WFDC8: variants seen among roughly 807,000 people sequenced by gnomAD.
WFDC8 encodes the protein WAP four-disulfide core domain protein 8.
WFDC8 carries 24 observed loss-of-function variants against 27.0 expected under a neutral mutation model. The observed-to-expected ratio is 0.89, with a 90% confidence interval of 0.64 to 1.25. WFDC8 has a LOEUF of 1.25. WFDC8 is among the 50% of genes most tolerant of loss of function. WFDC8 has a pLI of 0.00. For missense variants in WFDC8, 287 were observed against 295.9 expected, an observed-to-expected ratio of 0.97 and a Z score of 0.22; for synonymous variants, 106 against 99.7, an observed-to-expected ratio of 1.06 and a Z score of -0.38.
Position 45,554,141 on chromosome 20 carries a change from G to A in WFDC8, c.446-865C>T, listed in dbSNP as rs568707306. ...CCTGAGTAGCTGGGACCATAGGCAC[G>A]TGACACCATGCCTGTTTTTTTTGTT... On this transcript the variant is annotated intron_variant, in intron 4 of 5. Coordinates refer to ENST00000289953, the MANE Select transcript of WFDC8 (RefSeq NM_130896.3). Among the ~76,000 whole-genome samples the A allele has an allele frequency of 4.1e-5, 6 of 146,686 alleles. No homozygotes were observed. The South Asian group carries it at 6.6e-4, about 16-fold the overall frequency.
chr20:45,567,124 G>A (rs1980706954), intron 1 of WFDC8, among the ~76,000 whole-genome samples: 1 of 151,782 alleles, frequency 6.6e-6, no homozygotes, highest in Admixed American at 6.6e-5. Flanking sequence ...GGATATGGAG[G>A]GCCAACTGTA....
chr20:45,558,748 G>A, intron 3 of WFDC8, 104 bp downstream of exon 3: 1 of 1,431,528 alleles, frequency 7.0e-7, no homozygotes, highest in Non-Finnish European at 9.5e-7. Flanking sequence ...AATGAGAAGA[G>A]CACAGGCCCT....
chr20:45,565,589 A>G (rs1287728285), intron 1 of WFDC8, among the ~76,000 whole-genome samples: 1 of 152,172 alleles, frequency 6.6e-6, no homozygotes, highest in Non-Finnish European at 1.5e-5. Context: ...CTGAATTCCA[A>G]ACAAAGGAAC....
rs561330383 is a variant in WFDC8 at position 45,562,004 on chromosome 20, C to T, written c.136+106G>A. ...GGGGTAGCTTTCTGTGGCCCCAAAT[C>T]CACAGTAGAGGGGGCCTCATCTGAC... On this transcript the variant is annotated intron_variant, in intron 2 of 5. Transcript: ENST00000289953. The T allele has an allele frequency of 3.9e-6, 4 of 1,028,368 alleles. No homozygotes were observed. In the East Asian group the frequency reaches 1.0e-4, roughly 27 times the overall value. 63.7% of individuals were successfully genotyped at this position (1,028,368 alleles called of 1,614,324 possible). A position where few individuals can be genotyped will look rare whatever the true frequency, so the allele number is the denominator to read the frequency against.
chr20:45,571,033 G>A (rs1980848538), intron 1 of WFDC8, among the ~76,000 whole-genome samples: 1 of 152,064 alleles, frequency 6.6e-6, no homozygotes, highest in African/African-American at 2.4e-5. Flanking sequence ...TGGTTTCTGA[G>A]CCTGCTTGGG....
At chr20:45,564,167 G>C (rs1052543133) in intron 1 of WFDC8, among the ~76,000 whole-genome samples, 4 of 152,214 alleles carry the variant, frequency 2.6e-5, no homozygotes, top group Non-Finnish European at 5.9e-5. Flanking sequence ...GAGCATAATT[G>C]CAAGAGTTGC....
chr20:45,555,921 A>G lies in WFDC8; in HGVS notation c.278-53T>C. On this transcript the variant is annotated intron_variant, in intron 3 of 5. Transcript: ENST00000289953. ...ATATGAAGAGTAGAGATAAAAGAAC[A>G]GGGTCAGTTCCCTAGCATTTCTCAT... 6 of 1,566,310 alleles carry G rather than the reference A, an allele frequency of 3.8e-6. No individual in the cohort carries two copies. The South Asian group carries it at 6.7e-5, about 17-fold the overall frequency.
intron 1 of WFDC8, among the ~76,000 whole-genome samples, chr20:45,562,709 G>T (rs537058908): frequency 8.5e-5 from 13 of 152,176 alleles, no homozygotes; most frequent in African/African-American, 2.9e-4. Flanking sequence ...GATGACCTTG[G>T]GTTAACAGAG....
rs960901509 is a variant in WFDC8 at position 45,552,228 on chromosome 20, G to A, written c.587-63C>T. 3.8e-6 allele frequency: 6 copies of A among 1,590,988 alleles called. No individual in the cohort carries two copies. In the African/African-American group the frequency reaches 6.8e-5, roughly 18 times the overall value. ...CTTGGTCATAATTTGAGACAAATTT[G>A]AGGAATCTTGGGAATCTCAAACAAG... On this transcript the variant is annotated intron_variant, in intron 5 of 5. Transcript: ENST00000289953.
In WFDC8 at chr20:45,552,035, G is replaced by A; in HGVS notation, c.717C>T (p.Pro239=). Residue 239 remains proline (P), a synonymous_variant, in exon 6 of 6, where the codon CCC becomes CCT. Coordinates refer to ENST00000289953, the MANE Select transcript of WFDC8 (RefSeq NM_130896.3). ...CSHCGLKCMD[P]RR is the part of the protein sequence containing the mutation. ...ATTTTCTACTTACTATTCAACGTCT[G>A]GGGTCCATACATTTCAGTCCACAAT... is the stretch of plus-strand genomic sequence containing the variant. The A allele has an allele frequency of 6.2e-7, 1 of 1,613,758 alleles. No homozygotes were observed.
chr20:45,571,362 CTAA>C (rs1330101336), intron 1 of WFDC8, among the ~76,000 whole-genome samples: 2 of 151,938 alleles, frequency 1.3e-5, no homozygotes, highest in East Asian at 1.9e-4. Flanking sequence ...TTTTAATTGA[CTAA>C]TAATAATTAT....
chr20:45,554,316 C>T (rs1270862086), intron 4 of WFDC8, among the ~76,000 whole-genome samples: 1 of 152,132 alleles, frequency 6.6e-6, no homozygotes, highest in Non-Finnish European at 1.5e-5. Context: ...GTGTGAGCTA[C>T]TGTGCCTGGC....
At chr20:45,560,199 G>T (rs527313648) in intron 2 of WFDC8, among the ~76,000 whole-genome samples, 1 of 152,320 alleles carries the variant, frequency 6.6e-6, no homozygotes, top group Admixed American at 6.5e-5. Context: ...GCTATTCGTA[G>T]CTTTGAAGAT....
chr20:45,557,135 A>C (rs1980290153), intron 3 of WFDC8, among the ~76,000 whole-genome samples: 1 of 152,228 alleles, frequency 6.6e-6, no homozygotes, highest in Non-Finnish European at 1.5e-5. Context: ...ACCACACGTC[A>C]CACAACCAAC....
intron 5 of WFDC8, 88 bp downstream of exon 5, chr20:45,553,048 G>A (rs1980097478): frequency 6.7e-7 from 1 of 1,491,354 alleles, no homozygotes; most frequent in Non-Finnish European, 9.0e-7. Context: ...GAGCATCTGA[G>A]GTTCAAGACA....
chr20:45,558,769 C>G (rs1361535573), intron 3 of WFDC8, 83 bp downstream of exon 3: 2 of 1,548,342 alleles, frequency 1.3e-6, no homozygotes, highest in Non-Finnish European at 1.8e-6. Flanking sequence ...GGGTCCTTGT[C>G]CTGCCATCCA....
intron 2 of WFDC8, among the ~76,000 whole-genome samples, chr20:45,560,120 C>T (rs193050079): frequency 6.6e-6 from 1 of 152,300 alleles, no homozygotes; most frequent in African/African-American, 2.4e-5. Flanking sequence ...CCTTGAAAAG[C>T]AGAGTTTTCT....
intron 2 of WFDC8, among the ~76,000 whole-genome samples, 156 bp from the exon 3 acceptor site, chr20:45,559,148 A>T (rs1980377309): frequency 6.6e-6 from 1 of 152,168 alleles, no homozygotes; most frequent in South Asian, 2.1e-4. Flanking sequence ...TCTGTTTCTC[A>T]GCACTCAGAT....
chr20:45,576,765 C>G (rs955967772), intron 1 of WFDC8, among the ~76,000 whole-genome samples: 6 of 151,540 alleles, frequency 4.0e-5, no homozygotes, highest in African/African-American at 1.4e-4. Flanking sequence ...TTTGCCTAGT[C>G]TTTTTTCCAT....
Sources: gnomAD v4.1 joint callset for allele counts (sites outside exome capture counted in the v4.1 genomes callset) on GRCh38, gnomAD v4.1.1 for gene constraint, MANE v1.5 for transcripts, NCBI Gene and HGNC (gene_info 2026-07-23, HGNC 2026-07-21) for gene names.